The following P4HA2 variants were observed in gnomAD, a reference collection of about 807,000 sequenced individuals.
P4HA2 encodes the protein prolyl 4-hydroxylase subunit alpha 2, also known as prolyl 4-hydroxylase subunit alpha-2.
A neutral mutation model predicts 76.9 loss-of-function variants in P4HA2; 46 were observed. That is an observed-to-expected ratio of 0.60 (90% confidence interval 0.47 to 0.76). P4HA2 has a LOEUF of 0.76. Ranked by LOEUF, P4HA2 falls within the 30% of genes least tolerant of loss-of-function variation. The pLI is 0.00. For synonymous variants in P4HA2, 243 were observed against 254.0 expected (o/e 0.96, Z 0.41); for missense variants, 583 against 669.4 (o/e 0.87, Z 1.42).
Position 132,204,065 on chromosome 5 carries a change from C to T in P4HA2, c.1151+17G>A. 6.2e-7 allele frequency: 1 copy of T among 1,601,070 alleles called. No individual in the cohort carries two copies. The highest frequency in any genetic ancestry group is 2.2e-5 in the East Asian group (1 of 44,826). ...AGTTGGGGCTTGAGCAGCTACGAAC[C>T]CCTGCTCTTTGCTTACCTTTTGGAA... On this transcript the variant is annotated intron_variant, in intron 9 of 14. Coordinates refer to ENST00000360568, the MANE Select transcript of P4HA2 (RefSeq NM_001017974.2).
At chr5:132,206,271 C>T (rs1752201443) in intron 8 of P4HA2, among the ~76,000 whole-genome samples, 1 of 152,134 alleles carries the variant, frequency 6.6e-6, no homozygotes, top group African/African-American at 2.4e-5. Flanking sequence ...GTTTTCTTTC[C>T]TGGAGGACTC....
chr5:132,216,099 GGTT>G (rs1256220787), intron 4 of P4HA2, among the ~76,000 whole-genome samples: 8 of 146,876 alleles, frequency 5.4e-5, no homozygotes, highest in Middle Eastern at 7.4e-3. Context: ...CGGAGGCAGA[GGTT>G]GCAGTGAGCC....
intron 2 of P4HA2, 120 bp downstream of exon 2, chr5:132,218,425 G>C: frequency 3.1e-6 from 2 of 653,904 alleles, no homozygotes; most frequent in Non-Finnish European, 5.4e-6. Context: ...ACTCTCCTCA[G>C]AACTGGCCAA....
intron 8 of P4HA2, 121 bp from the exon 9 acceptor site, chr5:132,204,273 C>T: frequency 5.0e-6 from 4 of 802,996 alleles, no homozygotes; most frequent in Non-Finnish European, 8.4e-6. Flanking sequence ...GCTTTGCAGC[C>T]AATGGCTCTA....
At chr5:132,211,056 G>A (rs867224941) in intron 5 of P4HA2, among the ~76,000 whole-genome samples, 1 of 152,222 alleles carries the variant, frequency 6.6e-6, no homozygotes, top group Non-Finnish European at 1.5e-5. Context: ...ATAACCCTGA[G>A]AATGAACTAA....
Position 132,210,470 on chromosome 5 carries a change from A to G in P4HA2, c.523T>C (p.Ser175Pro). The G allele has an allele frequency of 1.2e-6, 2 of 1,614,054 alleles. No individual in the cohort carries two copies. The highest frequency in any genetic ancestry group is 1.7e-6 in the Non-Finnish European group (2 of 1,179,966). Reference sequence around the variant, plus strand: ...TAATAGTCCCCTTCATTGTAGGCCGAGCGGCCCATCCCAAAGCAGTCATCC... The same window carrying G: ...TAATAGTCCCCTTCATTGTAGGCCGGGCGGCCCATCCCAAAGCAGTCATCC... ...SVDDCFGMGRSAYNEGDYYHT... is the reference protein window; with the variant it reads ...SVDDCFGMGRPAYNEGDYYHT... The change falls in exon 6 of 15, where the codon TCG (serine) becomes CCG (proline). Residue 175 changes from serine (S) to proline (P), a missense_variant. Ser to Pro is a moderately conservative substitution (Grantham distance 74). Transcript: ENST00000360568.
chr5:132,220,435 C>T (rs1034231347), intron 1 of P4HA2, among the ~76,000 whole-genome samples: 1 of 152,194 alleles, frequency 6.6e-6, no homozygotes, highest in Non-Finnish European at 1.5e-5. Flanking sequence ...CTCCTCAGAG[C>T]TGGGGTGGTG....
intron 10 of P4HA2, chr5:132,202,447 A>G (rs1751639128): frequency 6.6e-6 from 1 of 152,248 alleles, no homozygotes; most frequent in Non-Finnish European, 1.5e-5. Flanking sequence ...AATGAGATCT[A>G]TGGTAGATCA....
intron 13 of P4HA2, 69 bp downstream of exon 13, chr5:132,195,343 C>G (rs1750476996): frequency 1.7e-6 from 2 of 1,166,482 alleles, no homozygotes; most frequent in Non-Finnish European, 2.6e-6. Context: ...GGTAATGGTA[C>G]TGGGGGACAT....
In P4HA2 at chr5:132,208,396, AGGGGGAGGGGAGGGGGAGGGGAGG is replaced by A. The variant is rs1561479519; in HGVS notation, c.904-536_904-513del. Among the ~76,000 whole-genome samples the A allele has an allele frequency of 3.3e-4, 3 of 8,960 alleles. 1 individual carries two copies. The highest frequency in any genetic ancestry group is 6.9e-4 in the Non-Finnish European group (3 of 4,364). The allele number at this position is 8,960 out of a possible 152,430, so 5.9% of individuals were successfully genotyped here. A position where few individuals can be genotyped will look rare whatever the true frequency, so the allele number is the denominator to read the frequency against. ...GAGAGAGGAGGAGAAGGGGGAGGGG[AGGGGGAGGGGAGGGGGAGGGGAGG>A]GGGGGAGGGGAGGAGAGGGGGGAAT... On this transcript the variant is annotated intron_variant, in intron 7 of 14. Transcript: ENST00000360568.
chr5:132,217,629 C>A, intron 3 of P4HA2, 123 bp downstream of exon 3: 1 of 737,788 alleles, frequency 1.4e-6, no homozygotes, highest in Non-Finnish European at 2.4e-6. Context: ...ATGAAGTAAC[C>A]AGGCCAGCCC....
At chr5:132,225,679 C>A (rs72793278) in intron 1 of P4HA2, among the ~76,000 whole-genome samples, 53,347 of 152,126 alleles carry the variant, frequency 0.35, 10,429 homozygotes, top group Non-Finnish European at 0.45. Flanking sequence ...ACGCTCCAGT[C>A]AGAAGCCAAA....
chr5:132,217,422 G>T, intron 3 of P4HA2, 74 bp from the exon 4 acceptor site: 1 of 1,468,244 alleles, frequency 6.8e-7, no homozygotes, highest in Non-Finnish European at 9.4e-7. Context: ...TTTTCCTAGT[G>T]AGAATTCCCT....
chr5:132,208,285 G>A (rs948774283), intron 7 of P4HA2, among the ~76,000 whole-genome samples: 3 of 139,816 alleles, frequency 2.1e-5, no homozygotes, highest in Non-Finnish European at 3.1e-5. Flanking sequence ...AGGGTGAGAC[G>A]AAAGAAAGAA....
intron 6 of P4HA2, 41 bp from the exon 7 acceptor site, chr5:132,209,372 A>C: frequency 6.7e-7 from 1 of 1,493,334 alleles, no homozygotes. Flanking sequence ...GAAACCACAA[A>C]CATCTGTTAG....
At position 132,223,551 on chromosome 5, in the gene P4HA2, C is replaced by T. The variant is rs966899406; in HGVS notation, c.-19+4239G>A. On this transcript the variant is annotated intron_variant, in intron 1 of 14. Transcript: ENST00000360568. ...TGCTGGGATTATAGGCATGAGCCAT[C>T]GCACAGGCCTGCACCTCACTTTTGT... Among the ~76,000 whole-genome samples the T allele has an allele frequency of 3.3e-5, 5 of 152,334 alleles. 1 individual carries two copies. The highest frequency in any genetic ancestry group is 6.8e-3 in the Middle Eastern group (2 of 294).
intron 7 of P4HA2, 69 bp downstream of exon 7, chr5:132,209,068 CA>C: frequency 8.4e-7 from 1 of 1,185,138 alleles, no homozygotes; most frequent in Non-Finnish European, 1.2e-6. Context: ...ACACCTTCCC[CA>C]AATCTGCCTG....
At chr5:132,209,378 GTTAGGTCAT>G (rs767482820) in intron 6 of P4HA2, 47 bp from the exon 7 acceptor site, 5 of 1,447,942 alleles carry the variant, frequency 3.5e-6, no homozygotes, top group Non-Finnish European at 4.8e-6. Flanking sequence ...ACAAACATCT[GTTAGGTCAT>G]TTAGAGAAAT....
intron 1 of P4HA2, among the ~76,000 whole-genome samples, chr5:132,223,425 G>A (rs1243110649): frequency 6.6e-6 from 1 of 152,128 alleles, no homozygotes; most frequent in East Asian, 1.9e-4. Flanking sequence ...ACCATGCCCA[G>A]CTAATTTTTG....
Sources: allele counts gnomAD v4.1 joint callset (sites outside exome capture counted in the v4.1 genomes callset), GRCh38; gene constraint gnomAD v4.1.1; transcripts MANE v1.5; gene names NCBI Gene and HGNC (gene_info 2026-07-23, HGNC 2026-07-21).